KCTD3: variants seen among roughly 807,000 people sequenced by gnomAD.
KCTD3 encodes BTB/POZ domain-containing protein KCTD3.
In KCTD3, 41 loss-of-function variants were observed where a neutral mutation model predicts 85.8. That is an observed-to-expected ratio of 0.48 (90% CI 0.37 to 0.62). The LOEUF (loss-of-function observed/expected upper bound fraction) is 0.62. Among genes scored for constraint, KCTD3 ranks in the 20% least tolerant of loss-of-function variants. The pLI is 0.00. For synonymous variants in KCTD3, 338 were observed against 345.4 expected (o/e 0.98, Z 0.24); for missense variants, 724 against 989.9 (o/e 0.73, Z 3.60).
intron 14 of KCTD3, among the ~76,000 whole-genome samples, chr1:215,610,011 T>C (rs1191248201): frequency 6.6e-6 from 1 of 151,946 alleles, no homozygotes; most frequent in Non-Finnish European, 1.5e-5. Flanking sequence ...AAGATATTTA[T>C]AAACAGCCCT....
chr1:215,587,004 A>C (rs544402349), intron 9 of KCTD3, among the ~76,000 whole-genome samples: 1 of 152,274 alleles, frequency 6.6e-6, no homozygotes, highest in Admixed American at 6.5e-5. Flanking sequence ...ATGTGGGGTA[A>C]GTCACTTTCT....
At position 215,621,566 on chromosome 1, in the gene KCTD3, GA is replaced by G. The variant is rs1655690269; in HGVS notation, c.*950del. 1 of 152,414 alleles carries G rather than the reference GA, an allele frequency of 6.6e-6. No homozygotes were observed. 9.4% of individuals were successfully genotyped at this position (152,414 alleles called of 1,614,324 possible). A position where few individuals can be genotyped will look rare whatever the true frequency, so the allele number is the denominator to read the frequency against. On this transcript the variant is annotated 3_prime_UTR_variant, in exon 18 of 18. Coordinates refer to ENST00000259154, the MANE Select transcript of KCTD3 (RefSeq NM_016121.5). Reference sequence around the variant, plus strand: ...TGTATTTTGAATTGTAAGAGCAAAAGAACGTTTTTGTACAATTTTTTTTCAT... The same window carrying G: ...TGTATTTTGAATTGTAAGAGCAAAAGACGTTTTTGTACAATTTTTTTTCAT...
rs574789130 is a variant in KCTD3, at chr1:215,572,917, A to G, written c.84-869A>G. Among the ~76,000 whole-genome samples, 3 of 152,322 alleles carry G rather than the reference A, an allele frequency of 2.0e-5. No individual in the cohort carries two copies. In the East Asian group the frequency reaches 5.8e-4, roughly 29 times the overall value. On this transcript the variant is annotated intron_variant, in intron 1 of 17. Coordinates refer to ENST00000259154, the MANE Select transcript of KCTD3 (RefSeq NM_016121.5). ...CTGGGTGAGATAACATTGTAGTTCAAGGTGATATCTTAAAATGAAAATACT... is the reference window on the plus strand; with the variant it reads ...CTGGGTGAGATAACATTGTAGTTCAGGGTGATATCTTAAAATGAAAATACT...
Position 215,567,652 on chromosome 1 carries a change from A to C in KCTD3, c.-34A>C. On this transcript the variant is annotated 5_prime_UTR_variant, in exon 1 of 18. Coordinates refer to ENST00000259154, the MANE Select transcript of KCTD3 (RefSeq NM_016121.5). The stretch of plus-strand genomic sequence containing the variant: ...CGGGCTCGGCGGTCCCGGCTGGGGA[A>C]GGAGGGCGGCGAGCGCGTCCGGAGC... 1 of 1,196,876 alleles carries C rather than the reference A, an allele frequency of 8.4e-7. No homozygotes were observed. The highest frequency in any genetic ancestry group is 1.0e-6 in the Non-Finnish European group (1 of 959,180). 74.1% of individuals were successfully genotyped at this position (1,196,876 alleles called of 1,614,324 possible).
At chr1:215,603,737 A>G (rs1440063530) in intron 12 of KCTD3, among the ~76,000 whole-genome samples, 1 of 152,170 alleles carries the variant, frequency 6.6e-6, no homozygotes, top group East Asian at 1.9e-4. Flanking sequence ...TCTTTAAACT[A>G]TGTTGAGTAC....
At chr1:215,587,234 A>G (rs1057338844) in intron 9 of KCTD3, among the ~76,000 whole-genome samples, 6 of 151,764 alleles carry the variant, frequency 4.0e-5, no homozygotes, top group Admixed American at 1.3e-4. Context: ...GGCTCAAGCA[A>G]TTCTCCTGCC....
Position 215,618,873 on chromosome 1 carries a change from T to G in KCTD3, c.1563-13T>G, listed in dbSNP as rs754439281. On this transcript the variant is annotated splice_polypyrimidine_tract_variant and intron_variant, in intron 15 of 17. Transcript: ENST00000259154. Reference sequence around the variant, plus strand: ...TCATTCCCATCAGGGCTCTTTCTGCTTTTCTTTTGCAGAATATGTGAGATC... The same window carrying G: ...TCATTCCCATCAGGGCTCTTTCTGCGTTTCTTTTGCAGAATATGTGAGATC... The G allele has an allele frequency of 1.9e-5, 29 of 1,566,114 alleles. No homozygotes were observed. The highest frequency in any genetic ancestry group is 2.0e-5 in the Non-Finnish European group (23 of 1,164,606).
intron 12 of KCTD3, 73 bp from the exon 13 acceptor site, chr1:215,604,049 TTTATCATAGG>T: frequency 9.3e-7 from 1 of 1,075,488 alleles, no homozygotes; most frequent in South Asian, 1.8e-5. Flanking sequence ...CTCTGCCTAT[TTTATCATAGG>T]GAAGCTTTGC....
chr1:215,586,269 G>A (rs559120059), intron 8 of KCTD3, among the ~76,000 whole-genome samples: 10 of 152,122 alleles, frequency 6.6e-5, no homozygotes, highest in Non-Finnish European at 8.8e-5. Context: ...CTTTCAAGTC[G>A]TTATATGTGC....
intron 9 of KCTD3, among the ~76,000 whole-genome samples, chr1:215,595,083 T>G (rs1175995079): frequency 6.6e-6 from 1 of 152,178 alleles, no homozygotes; most frequent in Non-Finnish European, 1.5e-5. Context: ...TCAGGTTATT[T>G]TGATGATCAG....
At chr1:215,601,280 T>C (rs988962381) in intron 10 of KCTD3, among the ~76,000 whole-genome samples, 1 of 152,204 alleles carries the variant, frequency 6.6e-6, no homozygotes, top group Non-Finnish European at 1.5e-5. Flanking sequence ...TTCCTATACT[T>C]TAAAAAAATA....
intron 6 of KCTD3, among the ~76,000 whole-genome samples, chr1:215,578,308 G>T (rs1206602495): frequency 6.6e-6 from 1 of 152,142 alleles, no homozygotes; most frequent in East Asian, 1.9e-4. Flanking sequence ...TGAGCCAGAG[G>T]ATCTCTGTGA....
chr1:215,607,678 A>G (rs1182862322), intron 13 of KCTD3, among the ~76,000 whole-genome samples: 2 of 152,034 alleles, frequency 1.3e-5, no homozygotes, highest in Non-Finnish European at 2.9e-5. Context: ...AAAATAAACT[A>G]GGAAACTGTT....
chr1:215,570,840 A>C (rs1010442205), intron 1 of KCTD3, among the ~76,000 whole-genome samples: 5 of 152,242 alleles, frequency 3.3e-5, no homozygotes, highest in Admixed American at 3.3e-4. Context: ...TTCTTGGGAC[A>C]CTATGGGTAT....
chr1:215,582,612 A>G (rs1659866568), intron 8 of KCTD3, among the ~76,000 whole-genome samples: 1 of 152,124 alleles, frequency 6.6e-6, no homozygotes, highest in South Asian at 2.1e-4. Flanking sequence ...CCCAGGCTAG[A>G]GTGCAGTGGC....
chr1:215,590,231 ATTTTC>A (rs1309452609), intron 9 of KCTD3, among the ~76,000 whole-genome samples: 1 of 151,938 alleles, frequency 6.6e-6, no homozygotes, highest in Non-Finnish European at 1.5e-5. Context: ...CCGTTTGTAT[ATTTTC>A]TTTTGAGAAG....
intron 8 of KCTD3, among the ~76,000 whole-genome samples, chr1:215,582,836 C>G (rs201000947): frequency 2.0e-5 from 3 of 152,060 alleles, no homozygotes; most frequent in South Asian, 2.1e-4. Flanking sequence ...TGCTGGGATT[C>G]CAGGCGTGAG....
intron 9 of KCTD3, among the ~76,000 whole-genome samples, chr1:215,594,229 A>G (rs1660327245): frequency 6.6e-6 from 1 of 152,174 alleles, no homozygotes; most frequent in African/African-American, 2.4e-5. Context: ...TAGTTGAGAT[A>G]AGAACCAAAA....
At chr1:215,575,845 T>C (rs1659553520) in intron 3 of KCTD3, 56 bp from the exon 4 acceptor site, 5 of 974,744 alleles carry the variant, frequency 5.1e-6, no homozygotes, top group South Asian at 1.5e-5. Flanking sequence ...GTTACAGATA[T>C]TAAAGTTAAA....
Sources: gnomAD v4.1 joint callset for allele counts (sites outside exome capture counted in the v4.1 genomes callset) on GRCh38, gnomAD v4.1.1 for gene constraint, MANE v1.5 for transcripts, NCBI Gene and HGNC (gene_info 2026-07-23, HGNC 2026-07-21) for gene names.